The following CSRNP1 variants were observed in gnomAD, a reference collection of about 807,000 sequenced individuals.
CSRNP1 encodes the protein cysteine and serine rich nuclear protein 1.
CSRNP1 carries 8 observed loss-of-function variants against 25.0 expected under a neutral mutation model. That is an observed-to-expected ratio of 0.32 (90% CI 0.19 to 0.58). The LOEUF is 0.58. CSRNP1 is among the 20% of genes least tolerant of loss of function. CSRNP1 has a pLI of 0.88. For missense variants in CSRNP1, 691 were observed against 773.1 expected, an observed-to-expected ratio of 0.89 and a Z score of 1.26; for synonymous variants, 305 against 303.1, an observed-to-expected ratio of 1.01 and a Z score of -0.06.
At chr3:39,147,904 G>A (rs1038634215) in intron 1 of CSRNP1, among the ~76,000 whole-genome samples, 1 of 152,146 alleles carries the variant, frequency 6.6e-6, no homozygotes, top group Non-Finnish European at 1.5e-5. Flanking sequence ...AGCTGAGGCC[G>A]AGGCCCCAGT....
chr3:39,144,278 A>T lies in CSRNP1; in HGVS notation c.639T>A (p.Ala213=). ...PARRRRALLR[A]SGVRRIDREE... ...CCCGATCGATCCTTCGCACACCTGA[A>T]GCCCTCAGCAGAGCTCGACGTCGCC... The change falls in exon 4 of 5, where the codon GCT becomes GCA. Residue 213 remains alanine (A), a synonymous_variant. Coordinates refer to ENST00000273153, the MANE Select transcript of CSRNP1 (RefSeq NM_033027.4). 1 of 1,614,140 alleles carries T rather than the reference A, an allele frequency of 6.2e-7. No individual in the cohort carries two copies. Among genetic ancestry groups the T allele is most frequent in the Non-Finnish European group, 8.5e-7 (1 of 1,180,016 alleles).
At position 39,144,462 on chromosome 3, in the gene CSRNP1, A is replaced by G; in HGVS notation, c.466-11T>C. 4 of 1,591,496 alleles carry G rather than the reference A, an allele frequency of 2.5e-6. No individual in the cohort carries two copies. The highest frequency in any genetic ancestry group is 3.4e-6 in the Non-Finnish European group (4 of 1,169,404). On this transcript the variant is annotated splice_polypyrimidine_tract_variant and intron_variant, in intron 3 of 4. Coordinates refer to ENST00000273153, the MANE Select transcript of CSRNP1 (RefSeq NM_033027.4). ...CCCAGCTGCCGAAAGCTGCATCCAC[A>G]GGAAAGAGGGATGTAAGAAGCACAG... is the stretch of plus-strand genomic sequence containing the variant.
In CSRNP1 at chr3:39,144,145, T is replaced by C. The variant is rs113251235; in HGVS notation, c.772A>G (p.Lys258Glu). 6 of 1,612,202 alleles carry C rather than the reference T, an allele frequency of 3.7e-6. No individual in the cohort carries two copies. The African/African-American group carries it at 8.0e-5, about 22-fold the overall frequency. ...ETCSCSLAGI[K>E]CQMDHTAFPC... ...CAGTCCAGCCACCACACCTGGCACT[T>C]GATGCCTGCCAGGCTGCAGCTGCAG... The change falls in exon 4 of 5, where the codon AAG (lysine) becomes GAG (glutamate). Residue 258 changes from lysine (K) to glutamate (E), a missense_variant. Lys to Glu is a moderately conservative substitution (Grantham distance 56, BLOSUM62 1). Coordinates refer to ENST00000273153, the MANE Select transcript of CSRNP1 (RefSeq NM_033027.4).
At chr3:39,154,406 C>G (rs1023509717), upstream of CSRNP1, 13 of 152,346 alleles carry the variant, frequency 8.5e-5, no homozygotes, top group African/African-American at 2.9e-4. Flanking sequence ...GGCCAACCCT[C>G]CCGGTACGAC....
intron 1 of CSRNP1, chr3:39,150,815 G>A (rs1384624144): frequency 6.6e-6 from 1 of 152,278 alleles, no homozygotes; most frequent in African/African-American, 2.4e-5. Flanking sequence ...GAGACACAGG[G>A]AAGCTACGGT....
Position 39,143,307 on chromosome 3 carries a change from C to A in CSRNP1, c.1518G>T (p.Glu506Asp). The A allele has an allele frequency of 6.2e-7, 1 of 1,614,202 alleles. No individual in the cohort carries two copies. Among genetic ancestry groups the A allele is most frequent in the Non-Finnish European group, 8.5e-7 (1 of 1,180,044 alleles). ...DLSLSSCDSF[E>D]LLQALPDYSL... ...TATAATCTGGCAGAGCCTGGAGTAA[C>A]TCAAAGGAGTCACAAGAAGACAAGC... is the stretch of plus-strand genomic sequence containing the variant. Residue 506 changes from glutamate to aspartate, a missense_variant, in exon 5 of 5, where the codon GAG becomes GAT. By Grantham distance (45) the Glu-to-Asp change is conservative. Coordinates refer to ENST00000273153, the MANE Select transcript of CSRNP1 (RefSeq NM_033027.4).
Position 39,144,588 on chromosome 3 carries a change from G to A in CSRNP1, c.466-137C>T, listed in dbSNP as rs953210319. 5 of 836,814 alleles carry A rather than the reference G, an allele frequency of 6.0e-6. No homozygotes were observed. The African/African-American group carries it at 6.9e-5, about 12-fold the overall frequency. 51.8% of individuals were successfully genotyped at this position (836,814 alleles called of 1,614,324 possible). On this transcript the variant is annotated intron_variant, in intron 3 of 4. Transcript: ENST00000273153. ...AATCTGCGATGGGCACTGTGTGTCA[G>A]ACAGTGAACAGGACAGCCAAGAAAA... is the stretch of plus-strand genomic sequence containing the variant.
chr3:39,146,606 G>C lies in CSRNP1; in HGVS notation c.77C>G (p.Ser26Cys). 6.4e-7 allele frequency: 1 copy of C among 1,569,998 alleles called. No individual in the cohort carries two copies. The highest frequency in any genetic ancestry group is 8.6e-7 in the Non-Finnish European group (1 of 1,157,078). The change falls in exon 2 of 5, where the codon TCT (serine) becomes TGT (cysteine). Residue 26 changes from serine to cysteine, a missense_variant. Transcript: ENST00000273153. ...GGAGCAGGAGCGAGACTGGCACCCA[G>C]AGGAAGAGGAGGAGGAGGAGACCGA... ...NSSVSSSSSS[S>C]GCQSRSCSPS... is the part of the protein sequence containing the mutation.
upstream of CSRNP1, chr3:39,154,561 CCT>C (rs1199282044): frequency 1.3e-5 from 2 of 152,502 alleles, no homozygotes; most frequent in African/African-American, 2.4e-5. Context: ...GCTCTCCTGC[CCT>C]CTCTCTGCTT....
At chr3:39,152,160 A>AG (rs1331112364) in intron 1 of CSRNP1, 1 of 152,740 alleles carries the variant, frequency 6.5e-6, no homozygotes, top group Non-Finnish European at 1.5e-5. Context: ...GGGTGAAGGT[A>AG]GGTCTCTCCG....
chr3:39,147,268 C>G (rs1010999038), intron 1 of CSRNP1, among the ~76,000 whole-genome samples: 7 of 151,836 alleles, frequency 4.6e-5, no homozygotes, highest in Non-Finnish European at 1.0e-4. Context: ...ACAGCCCGCA[C>G]AGCCCGCACG....
Position 39,144,301 on chromosome 3 carries a change from G to A in CSRNP1, c.616C>T (p.Arg206Ter), listed in dbSNP as rs1427983004. 2 of 1,614,056 alleles carry A rather than the reference G, an allele frequency of 1.2e-6. No homozygotes were observed. The highest frequency in any genetic ancestry group is 1.7e-6 in the Non-Finnish European group (2 of 1,180,018). Residue 206 changes from arginine (R) to a stop codon, truncating the protein, a stop_gained, in exon 4 of 5, where the codon CGA (arginine) becomes TGA (stop). Transcript: ENST00000273153. LOFTEE classifies it high-confidence loss of function. ...VSFLQPYPAR[R>*]RRALLRASGV... ...GAAGCCCTCAGCAGAGCTCGACGTC[G>A]CCGGGCTGGGTAGGGCTGTAGGAAG...
In CSRNP1 at chr3:39,144,294, C is replaced by T. The variant is rs757359136; in HGVS notation, c.623G>A (p.Arg208Gln). 24 of 1,614,080 alleles carry T rather than the reference C, an allele frequency of 1.5e-5. No individual in the cohort carries two copies. In the East Asian group the frequency reaches 1.6e-4, roughly 10 times the overall value. Residue 208 changes from arginine (R) to glutamine (Q), a missense_variant, in exon 4 of 5, where the codon CGA (arginine) becomes CAA (glutamine). Transcript: ENST00000273153. ...CACACCTGAAGCCCTCAGCAGAGCT[C>T]GACGTCGCCGGGCTGGGTAGGGCTG... ...FLQPYPARRR[R>Q]ALLRASGVRR...
intron 2 of CSRNP1, among the ~76,000 whole-genome samples, chr3:39,145,594 T>C (rs991169124): frequency 6.6e-6 from 1 of 152,268 alleles, no homozygotes; most frequent in African/African-American, 2.4e-5. Flanking sequence ...TTTCTGTGTT[T>C]TGCAACAGGC....
intron 1 of CSRNP1, among the ~76,000 whole-genome samples, chr3:39,147,497 C>T (rs2039532212): frequency 6.6e-6 from 1 of 152,076 alleles, no homozygotes; most frequent in Non-Finnish European, 1.5e-5. Context: ...CCCTTAGAAA[C>T]CCCCGCTCCA....
chr3:39,151,019 G>A (rs1192712030), intron 1 of CSRNP1: 3 of 152,284 alleles, frequency 2.0e-5, no homozygotes, highest in Admixed American at 2.0e-4. Context: ...GACTGAGCCA[G>A]AGACAAGGAG....
Position 39,144,033 on chromosome 3 carries a change from T to C in CSRNP1, c.792A>G (p.Thr264=). 1 of 1,611,680 alleles carries C rather than the reference T, an allele frequency of 6.2e-7. No individual in the cohort carries two copies. The highest frequency in any genetic ancestry group is 8.5e-7 in the Non-Finnish European group (1 of 1,179,686). ...LAGIKCQMDH[T]AFPCGCCREG... The stretch of plus-strand genomic sequence containing the variant: ...CCCTGCAGCAGCCACAGGGGAATGC[T>C]GTGTGGTCCATCTGCAGAGAAAAGT... The change falls in exon 5 of 5, where the codon ACA becomes ACG. Residue 264 remains threonine (T), a synonymous_variant. Coordinates refer to ENST00000273153, the MANE Select transcript of CSRNP1 (RefSeq NM_033027.4).
rs10679310 is a variant in CSRNP1 at position 39,147,211 on chromosome 3, CTG to C, written c.-40-491_-40-490del. On this transcript the variant is annotated intron_variant, in intron 1 of 4. Coordinates refer to ENST00000273153, the MANE Select transcript of CSRNP1 (RefSeq NM_033027.4). The stretch of plus-strand genomic sequence containing the variant: ...ATTCACACAGCTTGCATCTGTGTGC[CTG>C]TGTGTGTGTGTGTGTGTGTGTGTAT... Among the ~76,000 whole-genome samples the C allele has an allele frequency of 5.5e-3, 824 of 148,550 alleles. 6 individuals carry two copies. Among genetic ancestry groups the C allele is most frequent in the African/African-American group, 0.017 (684 of 40,252 alleles).
At chr3:39,150,876 G>A (rs937030522) in intron 1 of CSRNP1, 1 of 152,236 alleles carries the variant, frequency 6.6e-6, no homozygotes, top group African/African-American at 2.4e-5. Flanking sequence ...TGCAGAGCGG[G>A]AATGAAATGA....
Sources: gnomAD v4.1 joint callset for allele counts (sites outside exome capture counted in the v4.1 genomes callset) on GRCh38, gnomAD v4.1.1 for gene constraint, MANE v1.5 for transcripts, NCBI Gene and HGNC (gene_info 2026-07-23, HGNC 2026-07-21) for gene names.